Variants in BRINP3 observed in about 807,000 individuals in gnomAD.
The protein encoded by BRINP3 is BMP/retinoic acid-inducible neural-specific protein 3.
BRINP3 carries 19 observed loss-of-function variants against 71.0 expected under a neutral mutation model. That is an observed-to-expected ratio of 0.27 (90% CI 0.19 to 0.39). The LOEUF (loss-of-function observed/expected upper bound fraction) is 0.39, where lower values mean the gene tolerates loss of function less well. Ranked by LOEUF, BRINP3 falls within the 10% of genes least tolerant of loss-of-function variation. BRINP3 has a pLI of 1.00. For synonymous variants in BRINP3, 380 were observed against 337.7 expected (o/e 1.13, Z -1.37); for missense variants, 959 against 940.8 (o/e 1.02, Z -0.25).
intron 2 of BRINP3, among the ~76,000 whole-genome samples, chr1:190,365,901 G>A (rs1669471254): frequency 6.8e-6 from 1 of 146,830 alleles, no homozygotes; most frequent in Non-Finnish European, 1.5e-5. Context: ...ATATCTTTAA[G>A]AAATACAGGT....
chr1:190,472,812 T>TACACACACACAC (rs67049979), intron 1 of BRINP3, among the ~76,000 whole-genome samples: 101 of 147,578 alleles, frequency 6.8e-4, no homozygotes, highest in South Asian at 5.1e-3. Context: ...TGGTAGAAAT[T>TACACACACACAC]ACACACACAC....
At chr1:190,119,759 G>C (rs1183157187) in intron 7 of BRINP3, among the ~76,000 whole-genome samples, 1 of 152,182 alleles carries the variant, frequency 6.6e-6, no homozygotes, top group Non-Finnish European at 1.5e-5. Flanking sequence ...GTTGATTAAT[G>C]CCTTCCATGT....
rs1657293960 is a variant in BRINP3 at position 190,160,861 on chromosome 1, G to A, written c.991C>T (p.Pro331Ser). 1 of 1,606,216 alleles carries A rather than the reference G, an allele frequency of 6.2e-7. No homozygotes were observed. Among genetic ancestry groups the A allele is most frequent in the African/African-American group, 1.3e-5 (1 of 74,506 alleles). ...DEFKLFMKRL[P>S]MNYFLNTSTI... ...GATGTGTTGAGGAAATAATTCATAGGTAGCCTTTTCATAAATAACTTGAAT... is the reference window on the plus strand; with the variant it reads ...GATGTGTTGAGGAAATAATTCATAGATAGCCTTTTCATAAATAACTTGAAT... The change falls in exon 7 of 8, where the codon CCT becomes TCT. Residue 331 changes from proline to serine, a missense_variant. Pro to Ser is a moderately conservative substitution (Grantham distance 74). Coordinates refer to ENST00000367462, the MANE Select transcript of BRINP3 (RefSeq NM_199051.3).
At chr1:190,181,792 C>G (rs1456068485) in intron 6 of BRINP3, among the ~76,000 whole-genome samples, 10 of 152,026 alleles carry the variant, frequency 6.6e-5, no homozygotes, top group Non-Finnish European at 1.3e-4. Flanking sequence ...TTAGAAAACA[C>G]AAGATGAAAA....
chr1:190,189,874 T>C (rs12722750), intron 6 of BRINP3, among the ~76,000 whole-genome samples: 30,675 of 152,134 alleles, frequency 0.2, 3,518 homozygotes, highest in Middle Eastern at 0.3. Context: ...ACTTAGACTT[T>C]ATAGACTAGC....
At chr1:190,361,556 C>A (rs554287447) in intron 2 of BRINP3, among the ~76,000 whole-genome samples, 1 of 152,024 alleles carries the variant, frequency 6.6e-6, no homozygotes. Context: ...ACACACATCA[C>A]CACGCCCAGC....
intron 6 of BRINP3, among the ~76,000 whole-genome samples, chr1:190,198,890 TC>T (rs1450248979): frequency 6.6e-6 from 1 of 152,134 alleles, no homozygotes; most frequent in African/African-American, 2.4e-5. Context: ...TTTTTTGATA[TC>T]TTAACAGCAG....
chr1:190,098,180 G>A lies in BRINP3; in HGVS notation c.2139C>T (p.Leu713=), dbSNP rs1011839809. 6.2e-7 allele frequency: 1 copy of A among 1,614,160 alleles called. No homozygotes were observed. Among genetic ancestry groups the A allele is most frequent in the Non-Finnish European group, 8.5e-7 (1 of 1,180,026 alleles). The change falls in exon 8 of 8, where the codon CTC becomes CTT. Residue 713 remains leucine (L), a synonymous_variant. Coordinates refer to ENST00000367462, the MANE Select transcript of BRINP3 (RefSeq NM_199051.3). ...LLEIRDRVNK[L]SPPGQRRLDL... Reference sequence around the variant, plus strand: ...CTAGACGACGCTGACCAGGTGGGGAGAGTTTATTTACACGGTCTCTGATCT... The same window carrying A: ...CTAGACGACGCTGACCAGGTGGGGAAAGTTTATTTACACGGTCTCTGATCT...
intron 2 of BRINP3, among the ~76,000 whole-genome samples, chr1:190,292,840 G>T (rs917148379): frequency 6.6e-6 from 1 of 151,736 alleles, no homozygotes; most frequent in Non-Finnish European, 1.5e-5. Context: ...TAGCATATAG[G>T]AATTCATAGT....
intron 4 of BRINP3, among the ~76,000 whole-genome samples, chr1:190,242,570 T>G (rs183263000): frequency 3.9e-5 from 6 of 152,234 alleles, no homozygotes; most frequent in African/African-American, 1.4e-4. Flanking sequence ...AGCTGACAAC[T>G]ATATTCTCTA....
chr1:190,300,853 T>C (rs536052880), intron 2 of BRINP3, among the ~76,000 whole-genome samples: 26 of 151,978 alleles, frequency 1.7e-4, no homozygotes, highest in Admixed American at 4.6e-4. Context: ...AACTGGAAAC[T>C]CTAAAAAGCA....
intron 2 of BRINP3, among the ~76,000 whole-genome samples, chr1:190,379,466 T>G (rs1303788567): frequency 6.6e-6 from 1 of 152,098 alleles, no homozygotes; most frequent in African/African-American, 2.4e-5. Context: ...AGTAGGAGAT[T>G]CTATTTTGGA....
intron 2 of BRINP3, among the ~76,000 whole-genome samples, chr1:190,345,180 C>G (rs1369657207): frequency 6.6e-6 from 1 of 151,760 alleles, no homozygotes; most frequent in Admixed American, 6.6e-5. Flanking sequence ...CTGAAAATGA[C>G]CTCAATAAGT....
At chr1:190,212,295 T>G (rs1199196776) in intron 6 of BRINP3, among the ~76,000 whole-genome samples, 2 of 152,048 alleles carry the variant, frequency 1.3e-5, no homozygotes, top group Non-Finnish European at 2.9e-5. Context: ...TAGCCAAAAT[T>G]TTAAGAGATT....
intron 2 of BRINP3, among the ~76,000 whole-genome samples, chr1:190,385,624 C>T (rs1354157260): frequency 1.3e-5 from 2 of 152,044 alleles, no homozygotes; most frequent in South Asian, 2.1e-4. Context: ...TACTTTTACA[C>T]TGTTGGTGGG....
intron 6 of BRINP3, among the ~76,000 whole-genome samples, chr1:190,223,072 A>G (rs1213907265): frequency 6.6e-6 from 1 of 151,994 alleles, no homozygotes; most frequent in Non-Finnish European, 1.5e-5. Flanking sequence ...CATTGGCTTC[A>G]CTGCTAACTC....
chr1:190,467,192 A>G (rs1676816614), intron 1 of BRINP3, among the ~76,000 whole-genome samples: 1 of 151,594 alleles, frequency 6.6e-6, no homozygotes, highest in Admixed American at 6.6e-5. Flanking sequence ...GTGTGCAAAT[A>G]AAATGAGTGA....
intron 2 of BRINP3, among the ~76,000 whole-genome samples, chr1:190,449,878 G>C (rs117282909): frequency 6.6e-6 from 1 of 152,094 alleles, no homozygotes; most frequent in Admixed American, 6.6e-5. Context: ...AATTCTGAAA[G>C]TCCTTGTTCC....
At chr1:190,309,830 T>C (rs1665390244) in intron 2 of BRINP3, among the ~76,000 whole-genome samples, 2 of 151,808 alleles carry the variant, frequency 1.3e-5, no homozygotes, top group African/African-American at 4.8e-5. Context: ...AATCTGAAAA[T>C]ATTACTTGGT....
Sources: allele counts gnomAD v4.1 joint callset (sites outside exome capture counted in the v4.1 genomes callset), GRCh38; gene constraint gnomAD v4.1.1; transcripts MANE v1.5; gene names NCBI Gene and HGNC (gene_info 2026-07-23, HGNC 2026-07-21).